Variants in PELI2 observed in about 807,000 individuals in gnomAD.
PELI2 encodes the protein E3 ubiquitin-protein ligase pellino homolog 2.
A neutral mutation model predicts 42.3 loss-of-function variants in PELI2; 23 were observed. The ratio of observed to expected loss-of-function variants is 0.54; its 90% CI spans 0.39 to 0.77. PELI2 has a LOEUF of 0.77. Among genes scored for constraint, PELI2 ranks in the 30% least tolerant of loss-of-function variants. The pLI is 0.00. For synonymous variants in PELI2, 245 were observed against 212.2 expected (o/e 1.15, Z -1.34); for missense variants, 463 against 553.2 (o/e 0.84, Z 1.64).
chr14:56,174,897 T>C (rs1885316913), intron 1 of PELI2, among the ~76,000 whole-genome samples: 2 of 152,212 alleles, frequency 1.3e-5, no homozygotes, highest in Non-Finnish European at 2.9e-5. Flanking sequence ...TCTCTCCACT[T>C]GAACTTCATA....
chr14:56,291,206 G>A (rs1594720184), intron 5 of PELI2, among the ~76,000 whole-genome samples: 2 of 152,138 alleles, frequency 1.3e-5, no homozygotes, highest in East Asian at 1.9e-4. Flanking sequence ...AAGCTAGAAC[G>A]AGAGAGAACA....
At chr14:56,262,802 A>G (rs1056590237) in intron 2 of PELI2, among the ~76,000 whole-genome samples, 4 of 87,240 alleles carry the variant, frequency 4.6e-5, no homozygotes, top group African/African-American at 1.2e-4. Flanking sequence ...TTCTTGTGTT[A>G]TATAATATCC....
At chr14:56,241,858 C>T (rs1259599627) in intron 2 of PELI2, among the ~76,000 whole-genome samples, 1 of 152,062 alleles carries the variant, frequency 6.6e-6, no homozygotes, top group Non-Finnish European at 1.5e-5. Context: ...AACGGTGGAA[C>T]TAAGACATTT....
At chr14:56,226,661 G>C (rs1189084071) in intron 2 of PELI2, among the ~76,000 whole-genome samples, 1 of 152,130 alleles carries the variant, frequency 6.6e-6, no homozygotes, top group Non-Finnish European at 1.5e-5. Context: ...GTTAAGATTG[G>C]TAATATTCTG....
chr14:56,181,645 G>C (rs1008189476), intron 2 of PELI2, among the ~76,000 whole-genome samples: 1 of 152,074 alleles, frequency 6.6e-6, no homozygotes, highest in African/African-American at 2.4e-5. Context: ...GGCAGAACAG[G>C]GATATCCCTT....
intron 3 of PELI2, among the ~76,000 whole-genome samples, chr14:56,283,587 A>G (rs982211395): frequency 6.6e-6 from 1 of 152,210 alleles, no homozygotes; most frequent in African/African-American, 2.4e-5. Context: ...TGCTGAGAAT[A>G]CTGATTTGTA....
At chr14:56,205,711 C>G (rs12878363) in intron 2 of PELI2, among the ~76,000 whole-genome samples, 62,192 of 152,000 alleles carry the variant, frequency 0.41, 13,309 homozygotes, top group South Asian at 0.53. Context: ...ATGCCCCTTT[C>G]AAGAGCACAG....
intron 2 of PELI2, among the ~76,000 whole-genome samples, chr14:56,204,139 A>G (rs1250407399): frequency 6.6e-6 from 1 of 152,218 alleles, no homozygotes; most frequent in African/African-American, 2.4e-5. Flanking sequence ...GGGAACGAAT[A>G]TCCATTTTTG....
At chr14:56,125,747 T>C (rs1318519726) in intron 1 of PELI2, among the ~76,000 whole-genome samples, 2 of 152,306 alleles carry the variant, frequency 1.3e-5, no homozygotes, top group East Asian at 3.9e-4. Context: ...CTGCTTGCCA[T>C]GTGCCCAGAG....
At chr14:56,174,927 G>A (rs1594610314) in intron 1 of PELI2, among the ~76,000 whole-genome samples, 1 of 152,248 alleles carries the variant, frequency 6.6e-6, no homozygotes, top group East Asian at 1.9e-4. Context: ...GTGCTGAACT[G>A]TGTAGTCCTC....
chr14:56,268,997 G>T (rs1378443874), intron 2 of PELI2, among the ~76,000 whole-genome samples: 1 of 152,114 alleles, frequency 6.6e-6, no homozygotes, highest in Non-Finnish European at 1.5e-5. Flanking sequence ...AGTCCTGATT[G>T]GTTTTCATTT....
Position 56,279,689 on chromosome 14 carries a change from A to G in PELI2, c.221A>G (p.Lys74Arg). 1 of 1,578,528 alleles carries G rather than the reference A, an allele frequency of 6.3e-7. No individual in the cohort carries two copies. Among genetic ancestry groups the G allele is most frequent in the South Asian group, 1.1e-5 (1 of 88,418 alleles). The change falls in exon 3 of 6, where the codon AAA becomes AGA. Residue 74 changes from lysine (K) to arginine (R), a missense_variant. By Grantham distance (26) the Lys-to-Arg change is conservative. Around this residue, in one of 3 missense-constraint regions of PELI2, gnomAD observed 343 missense variants for 378.4 expected, o/e 0.91. Transcript: ENST00000267460. ...TPQASKAISC[K>R]GQHSISYTLS... Reference sequence around the variant, plus strand: ...TTTTATTATTAGGCTATCAGCTGCAAAGGTCAACACAGTATATCCTACACT... The same window carrying G: ...TTTTATTATTAGGCTATCAGCTGCAGAGGTCAACACAGTATATCCTACACT...
At chr14:56,172,490 A>C (rs183587341) in intron 1 of PELI2, among the ~76,000 whole-genome samples, 5 of 152,326 alleles carry the variant, frequency 3.3e-5, no homozygotes, top group Non-Finnish European at 7.4e-5. Context: ...TGGGAGAAGA[A>C]GCCCTCTTTA....
chr14:56,150,357 A>G (rs2139620082), intron 1 of PELI2, among the ~76,000 whole-genome samples: 1 of 152,364 alleles, frequency 6.6e-6, no homozygotes, highest in Admixed American at 6.5e-5. Context: ...AATGCTATGT[A>G]TGTTAATTGG....
At chr14:56,146,923 A>G (rs932357887) in intron 1 of PELI2, among the ~76,000 whole-genome samples, 12 of 152,220 alleles carry the variant, frequency 7.9e-5, no homozygotes, top group African/African-American at 2.9e-4. Context: ...TTTCATCACC[A>G]TACATTGTTC....
At chr14:56,149,967 C>T (rs1007392986) in intron 1 of PELI2, among the ~76,000 whole-genome samples, 2 of 152,158 alleles carry the variant, frequency 1.3e-5, no homozygotes, top group Non-Finnish European at 2.9e-5. Context: ...TCTATGCTAG[C>T]TCCAGCTACC....
chr14:56,191,742 A>G (rs1470172854), intron 2 of PELI2, among the ~76,000 whole-genome samples: 1 of 152,212 alleles, frequency 6.6e-6, no homozygotes, highest in Non-Finnish European at 1.5e-5. Context: ...CTAAACTATA[A>G]TTTTGAGAAC....
At chr14:56,252,412 G>A (rs893684487) in intron 2 of PELI2, among the ~76,000 whole-genome samples, 1 of 152,180 alleles carries the variant, frequency 6.6e-6, no homozygotes, top group Non-Finnish European at 1.5e-5. Context: ...TTTGAAAGAA[G>A]TCTTAGAAAA....
At chr14:56,150,636 A>G (rs976782345) in intron 1 of PELI2, among the ~76,000 whole-genome samples, 7 of 152,230 alleles carry the variant, frequency 4.6e-5, no homozygotes, top group South Asian at 2.1e-4. Flanking sequence ...TATAACCTCT[A>G]TTTCCAAGAT....
Sources: allele counts gnomAD v4.1 joint callset (sites outside exome capture counted in the v4.1 genomes callset), GRCh38; gene constraint gnomAD v4.1.1; regional missense constraint gnomAD v4.1.1; transcripts MANE v1.5; gene names NCBI Gene and HGNC (gene_info 2026-07-23, HGNC 2026-07-21).